The following C1QTNF12 variants were observed in gnomAD, a reference collection of about 807,000 sequenced individuals.
The protein encoded by C1QTNF12 is C1q and TNF related 12.
In C1QTNF12, 39 loss-of-function variants were observed where a neutral mutation model predicts 34.3. The ratio of observed to expected loss-of-function variants is 1.14; its 90% CI spans 0.88 to 1.49. The LOEUF is 1.49. C1QTNF12 is among the 40% of genes most tolerant of loss of function. The pLI, the probability that C1QTNF12 is intolerant of heterozygous loss-of-function variation, is 0.00. For synonymous variants in C1QTNF12, 220 were observed against 196.9 expected (o/e 1.12, Z -0.98); for missense variants, 497 against 424.7 (o/e 1.17, Z -1.50).
At chr1:1,243,398 A>G (rs1638793488) in intron 5 of C1QTNF12, 46 bp downstream of exon 5, 1 of 1,511,632 alleles carries the variant, frequency 6.6e-7, no homozygotes, top group African/African-American at 1.4e-5. Context: ...CAGAAAGCTC[A>G]GCCCCAGCCC....
chr1:1,245,476 C>T (rs1408516515), intron 1 of C1QTNF12, among the ~76,000 whole-genome samples: 1 of 150,942 alleles, frequency 6.6e-6, no homozygotes, highest in Non-Finnish European at 1.5e-5. Flanking sequence ...TGAGCACACA[C>T]CTCACAGCCC....
In C1QTNF12 at chr1:1,243,172, GAGGGTGGTGCAT is replaced by G; in HGVS notation, c.641-32_641-21del. 1 of 1,455,924 alleles carries G rather than the reference GAGGGTGGTGCAT, an allele frequency of 6.9e-7. No homozygotes were observed. The highest frequency in any genetic ancestry group is 9.3e-7 in the Non-Finnish European group (1 of 1,072,260). The allele number at this position is 1,455,924 out of a possible 1,614,324, so 90.2% of individuals were successfully genotyped here. ...TGTGGTCTGCGGAGAGAGCCCTGGGGAGGGTGGTGCATGGGGGGCGGGGTGGGGGCTGGTGGG... is the reference window on the plus strand; with the variant it reads ...TGTGGTCTGCGGAGAGAGCCCTGGGGGGGGGGCGGGGTGGGGGCTGGTGGG... On this transcript the variant is annotated intron_variant, in intron 5 of 7. Coordinates refer to ENST00000330388, the MANE Select transcript of C1QTNF12 (RefSeq NM_001014980.3).
At chr1:1,243,914 C>T in intron 4 of C1QTNF12, 40 bp downstream of exon 4, 5 of 1,582,182 alleles carry the variant, frequency 3.2e-6, no homozygotes, top group Non-Finnish European at 4.3e-6. Flanking sequence ...CCTGTGGGGC[C>T]CCACCCAACA....
intron 3 of C1QTNF12, 39 bp downstream of exon 3, chr1:1,244,152 C>T (rs116540152): frequency 0.016 from 24,195 of 1,559,930 alleles, 232 homozygotes; most frequent in Non-Finnish European, 0.017. Flanking sequence ...GCACAGGGCC[C>T]AGGCACGTCT....
In C1QTNF12 at chr1:1,243,112, C is replaced by T; in HGVS notation, c.681G>A (p.Arg227=). The T allele has an allele frequency of 6.3e-7, 1 of 1,587,286 alleles. No individual in the cohort carries two copies. Among genetic ancestry groups the T allele is most frequent in the Non-Finnish European group, 8.6e-7 (1 of 1,167,768 alleles). The change falls in exon 6 of 8, where the codon CGG becomes CGA. Residue 227 remains arginine (R), a synonymous_variant. Transcript: ENST00000330388. ...TACAGATGAGAACACACACCACGTC[C>T]CGGGCCCGCAGCCGGGCCTTGCCCT... ...ELQGKARLRA[R]DVVCVLICIE...
Position 1,243,571 on chromosome 1 carries a change from G to T in C1QTNF12, c.532-19C>A, listed in dbSNP as rs1310837683. 1 of 1,542,060 alleles carries T rather than the reference G, an allele frequency of 6.5e-7. No homozygotes were observed. Among genetic ancestry groups the T allele is most frequent in the Non-Finnish European group, 8.8e-7 (1 of 1,140,068 alleles). ...CAGCAGGCTGTGAGGGGCAGTGGGT[G>T]AGCGGCCAGCGCAGGGCCTGGCCCC... On this transcript the variant is annotated intron_variant, in intron 4 of 7. Coordinates refer to ENST00000330388, the MANE Select transcript of C1QTNF12 (RefSeq NM_001014980.3).
At position 1,246,508 on chromosome 1, in the gene C1QTNF12, G is replaced by C. The variant is rs936037831; in HGVS notation, c.177+6C>G. ...GCGAGGGCCCACGTGCGTCCCGGCC[G>C]CGTACCTTGGGGGCCTCGGGCAGCC... On this transcript the variant is annotated splice_donor_region_variant and intron_variant, in intron 1 of 7. Coordinates refer to ENST00000330388, the MANE Select transcript of C1QTNF12 (RefSeq NM_001014980.3). This position sits in a 1 kb window ranked among gnomAD's most constrained non-coding sequence, Gnocchi z 4.5. 51 of 1,232,250 alleles carry C rather than the reference G, an allele frequency of 4.1e-5. No homozygotes were observed. The highest frequency in any genetic ancestry group is 4.9e-5 in the Non-Finnish European group (48 of 987,878). The allele number at this position is 1,232,250 out of a possible 1,614,324, so 76.3% of individuals were successfully genotyped here.
Position 1,243,419 on chromosome 1 carries a change from C to G in C1QTNF12, c.640+25G>C, listed in dbSNP as rs375288834. On this transcript the variant is annotated intron_variant, in intron 5 of 7. Transcript: ENST00000330388. ...GCTCAGCCCCAGCCCCGTCACAGCA[C>G]ACGGCACTGCCCCATCCGGCTCACC... The G allele has an allele frequency of 2.6e-6, 4 of 1,540,332 alleles. No homozygotes were observed. In the African/African-American group the frequency reaches 5.5e-5, roughly 21 times the overall value.
In C1QTNF12 at chr1:1,243,474, T is replaced by A. The variant is rs202178204; in HGVS notation, c.610A>T (p.Ile204Phe). Residue 204 changes from isoleucine (I) to phenylalanine (F), a missense_variant, in exon 5 of 8, where the codon ATC (isoleucine) becomes TTC (phenylalanine). Transcript: ENST00000330388. ...SGRFTAPVSG[I>F]FQFSASLHVD... ...TGCAGACTGGCAGAGAACTGGAAGA[T>A]GCCGGACACGGGGGCCGTGAACCGA... The A allele has an allele frequency of 7.7e-6, 12 of 1,559,536 alleles. No homozygotes were observed. Among genetic ancestry groups the A allele is most frequent in the Non-Finnish European group, 9.6e-6 (11 of 1,151,814 alleles).
At position 1,246,377 on chromosome 1, in the gene C1QTNF12, C is replaced by T. The variant is rs1638891232; in HGVS notation, c.177+137G>A. ...GCTGGGCTGCAGCAGATTCTCAAGG[C>T]GGGACCGTGGCCGAGGCCTCGAAAA... On this transcript the variant is annotated intron_variant, in intron 1 of 7. Coordinates refer to ENST00000330388, the MANE Select transcript of C1QTNF12 (RefSeq NM_001014980.3). The surrounding 1 kb of genome is among the most constrained non-coding windows in gnomAD (Gnocchi z 4.5). 3 of 682,910 alleles carry T rather than the reference C, an allele frequency of 4.4e-6. No homozygotes were observed. Among genetic ancestry groups the T allele is most frequent in the African/African-American group, 1.9e-5 (1 of 53,752 alleles). The allele number at this position is 682,910 out of a possible 1,614,324, so 42.3% of individuals were successfully genotyped here. A position where few individuals can be genotyped will look rare whatever the true frequency, so the allele number is the denominator to read the frequency against.
chr1:1,243,179 G>A, intron 5 of C1QTNF12, 27 bp from the exon 6 acceptor site: 11 of 1,200,582 alleles, frequency 9.2e-6, no homozygotes, highest in Non-Finnish European at 1.2e-5. Flanking sequence ...GGGGAGGGTG[G>A]TGCATGGGGG....
In C1QTNF12 at chr1:1,246,503, C is replaced by G. The variant is rs903198283; in HGVS notation, c.177+11G>C. The G allele has an allele frequency of 4.1e-6, 5 of 1,231,476 alleles. No individual in the cohort carries two copies. Among genetic ancestry groups the G allele is most frequent in the Non-Finnish European group, 4.1e-6 (4 of 987,506 alleles). 76.3% of individuals were successfully genotyped at this position (1,231,476 alleles called of 1,614,324 possible). A position where few individuals can be genotyped will look rare whatever the true frequency, so the allele number is the denominator to read the frequency against. Reference sequence around the variant, plus strand: ...GCCCCGCGAGGGCCCACGTGCGTCCCGGCCGCGTACCTTGGGGGCCTCGGG... The same window carrying G: ...GCCCCGCGAGGGCCCACGTGCGTCCGGGCCGCGTACCTTGGGGGCCTCGGG... On this transcript the variant is annotated intron_variant, in intron 1 of 7. Coordinates refer to ENST00000330388, the MANE Select transcript of C1QTNF12 (RefSeq NM_001014980.3). This position sits in a 1 kb window ranked among gnomAD's most constrained non-coding sequence, Gnocchi z 4.5.
intron 3 of C1QTNF12, 32 bp from the exon 4 acceptor site, chr1:1,244,137 G>A (rs1424935246): frequency 6.4e-7 from 1 of 1,562,248 alleles, no homozygotes; most frequent in Admixed American, 1.9e-5. Context: ...CGGCCAGCAG[G>A]GTCAGCACAG....
In C1QTNF12 at chr1:1,246,696, C is replaced by T. The variant is rs1215170929; in HGVS notation, c.-6G>A. 8.2e-7 allele frequency: 1 copy of T among 1,221,156 alleles called. No homozygotes were observed. The highest frequency in any genetic ancestry group is 1.0e-6 in the Non-Finnish European group (1 of 981,090). The allele number at this position is 1,221,156 out of a possible 1,614,324, so 75.6% of individuals were successfully genotyped here. A position where few individuals can be genotyped will look rare whatever the true frequency, so the allele number is the denominator to read the frequency against. The stretch of plus-strand genomic sequence containing the variant: ...GCCCAGGCCCAGCGCCGCATGGCTC[C>T]GTCCCGAGGCGGCTCAGCGCGGCGA... On this transcript the variant is annotated 5_prime_UTR_variant, in exon 1 of 8. Coordinates refer to ENST00000330388, the MANE Select transcript of C1QTNF12 (RefSeq NM_001014980.3). The surrounding 1 kb of genome is among the most constrained non-coding windows in gnomAD (Gnocchi z 4.5).
chr1:1,243,297 G>A, intron 5 of C1QTNF12, 145 bp from the exon 6 acceptor site: 1 of 989,628 alleles, frequency 1.0e-6, no homozygotes, highest in Non-Finnish European at 1.5e-6. Flanking sequence ...GCGTGCAGCA[G>A]GGACCCCATG....
intron 1 of C1QTNF12, 193 bp from the exon 2 acceptor site, chr1:1,244,690 T>C: frequency 1.7e-6 from 1 of 581,740 alleles, no homozygotes; most frequent in Admixed American, 3.0e-5. Flanking sequence ...GCGGGGCTTC[T>C]GTGGACACAG....
Position 1,244,409 on chromosome 1 carries a change from T to TTCCTTAAGGCGCCGTCG in C1QTNF12, c.249_265dup (p.Lys89ThrfsTer5). 6.2e-7 allele frequency: 1 copy of TTCCTTAAGGCGCCGTCG among 1,611,804 alleles called. No homozygotes were observed. Among genetic ancestry groups the TTCCTTAAGGCGCCGTCG allele is most frequent in the Non-Finnish European group, 8.5e-7 (1 of 1,179,484 alleles). On this transcript the variant is annotated stop_gained and frameshift_variant, in exon 2 of 8. Transcript: ENST00000330388. LOFTEE classifies it high-confidence loss of function. ...CTTCTTGTCCCTGCTTCCGCACCGC[T>TTCCTTAAGGCGCCGTCG]TCCTTAAGGCGCCGTCGTCCGGCCG...
At chr1:1,243,846 AG>A in intron 4 of C1QTNF12, 107 bp downstream of exon 4, 6 of 534,338 alleles carry the variant, frequency 1.1e-5, no homozygotes, top group Non-Finnish European at 1.8e-5. Context: ...CCCCGCCCCC[AG>A]CCCCCAACCC....
At chr1:1,246,844 G>A (rs1638906736), upstream of C1QTNF12, 1 of 449,486 alleles carries the variant, frequency 2.2e-6, no homozygotes, top group Non-Finnish European at 3.3e-6. The surrounding 1 kb of genome is among the most constrained non-coding windows in gnomAD (Gnocchi z 4.5). Context: ...CCGGAACGGC[G>A]GCGCGACGGC....
Sources: allele counts gnomAD v4.1 joint callset (sites outside exome capture counted in the v4.1 genomes callset), GRCh38; gene constraint gnomAD v4.1.1; non-coding constraint Gnocchi (gnomAD v3.1); transcripts MANE v1.5; gene names NCBI Gene and HGNC (gene_info 2026-07-23, HGNC 2026-07-21).